The following VRK2 variants were observed in gnomAD, a reference collection of about 807,000 sequenced individuals.
VRK2 encodes the protein serine/threonine-protein kinase VRK2.
VRK2 carries 60 observed loss-of-function variants against 57.6 expected under a neutral mutation model. The observed-to-expected ratio is 1.04, with a 90% confidence interval of 0.85 to 1.29. The LOEUF (loss-of-function observed/expected upper bound fraction) is 1.29. Ranked by LOEUF, VRK2 falls within the 50% of genes most tolerant of loss-of-function variation. The probability of loss-of-function intolerance (pLI) is 0.00; values close to 1 mark genes in which losing one functional copy is unlikely to be tolerated. For synonymous variants in VRK2, 231 were observed against 199.2 expected, an observed-to-expected ratio of 1.16 and a Z score of -1.35; for missense variants, 705 against 588.1, an observed-to-expected ratio of 1.20 and a Z score of -2.06.
chr2:57,938,742 C>T (rs1275180357), intron 1 of VRK2, among the ~76,000 whole-genome samples: 1 of 152,030 alleles, frequency 6.6e-6, no homozygotes, highest in Non-Finnish European at 1.5e-5. Context: ...CAAAATATAT[C>T]TAGTCAATGG....
intron 7 of VRK2, among the ~76,000 whole-genome samples, chr2:58,092,978 A>G (rs2104265942): frequency 6.6e-6 from 1 of 152,224 alleles, no homozygotes; most frequent in East Asian, 1.9e-4. Flanking sequence ...CCATGTCCCT[A>G]CAAAGGACAT....
intron 8 of VRK2, among the ~76,000 whole-genome samples, chr2:58,130,491 G>A (rs1177394075): frequency 2.6e-5 from 4 of 152,228 alleles, no homozygotes; most frequent in Non-Finnish European, 4.4e-5. Context: ...CATTCTGCTA[G>A]ATTGAAGGGC....
intron 12 of VRK2, chr2:58,147,059 C>T: frequency 2.2e-6 from 1 of 457,360 alleles, no homozygotes; most frequent in African/African-American, 2.0e-5. Context: ...ATGATTTATA[C>T]ACCATCATTT....
intron 2 of VRK2, among the ~76,000 whole-genome samples, chr2:58,081,140 C>T (rs1002037785): frequency 2.0e-5 from 3 of 151,930 alleles, no homozygotes; most frequent in Non-Finnish European, 4.4e-5. Flanking sequence ...TGGTTAATTA[C>T]CTTTTCTACA....
intron 7 of VRK2, among the ~76,000 whole-genome samples, chr2:58,117,668 A>T (rs1212168361): frequency 6.6e-6 from 1 of 152,132 alleles, no homozygotes; most frequent in Non-Finnish European, 1.5e-5. Context: ...GACAAGAATT[A>T]TTTAGATCTT....
rs780923187 is a variant in VRK2, at chr2:58,131,934, A to G, written c.797+6A>G. On this transcript the variant is annotated splice_donor_region_variant and intron_variant, in intron 9 of 12. Coordinates refer to ENST00000340157, the MANE Select transcript of VRK2 (RefSeq NM_006296.7). ...GTGCAGACTGCTAAAACAAAGTACA[A>G]ATTTTCAAGTATTTCATCATGTACT... 9.3e-6 allele frequency: 15 copies of G among 1,614,022 alleles called. No individual in the cohort carries two copies. Among genetic ancestry groups the G allele is most frequent in the African/African-American group, 1.3e-5 (1 of 75,026 alleles).
chr2:57,956,477 A>C (rs1005251585), intron 1 of VRK2, among the ~76,000 whole-genome samples: 4 of 152,208 alleles, frequency 2.6e-5, no homozygotes, highest in African/African-American at 9.6e-5. Context: ...GTGAAGCAGT[A>C]AACATTTAGA....
At chr2:57,936,304 C>G (rs926509118) in intron 1 of VRK2, among the ~76,000 whole-genome samples, 3 of 152,152 alleles carry the variant, frequency 2.0e-5, no homozygotes, top group Non-Finnish European at 2.9e-5. Context: ...CATAATTTCT[C>G]TTGAACCTTA....
At chr2:58,149,912 A>G (rs1682733140) in intron 12 of VRK2, among the ~76,000 whole-genome samples, 1 of 151,058 alleles carries the variant, frequency 6.6e-6, no homozygotes, top group Non-Finnish European at 1.5e-5. Flanking sequence ...ATTCCAACTC[A>G]ATTCCTGCTG....
intron 1 of VRK2, among the ~76,000 whole-genome samples, chr2:57,911,516 A>G (rs2678901): frequency 0.65 from 98,428 of 152,072 alleles, 32,184 homozygotes; most frequent in African/African-American, 0.76. Flanking sequence ...GCCCCACAAA[A>G]GGAATCTACT....
At chr2:57,996,711 TTATTA>T (rs1237607954) in intron 1 of VRK2, among the ~76,000 whole-genome samples, 1 of 152,116 alleles carries the variant, frequency 6.6e-6, no homozygotes, top group African/African-American at 2.4e-5. Flanking sequence ...ATACTATTTT[TTATTA>T]TATTTTTTCC....
intron 1 of VRK2, among the ~76,000 whole-genome samples, chr2:57,916,489 G>A (rs1052835596): frequency 6.6e-6 from 1 of 151,260 alleles, no homozygotes; most frequent in Non-Finnish European, 1.5e-5. Flanking sequence ...TTAACTTCAG[G>A]TTAGCCTATA....
At chr2:58,071,624 T>C (rs1669371283) in intron 2 of VRK2, among the ~76,000 whole-genome samples, 1 of 152,056 alleles carries the variant, frequency 6.6e-6, no homozygotes, top group African/African-American at 2.4e-5. Flanking sequence ...TCGGGTCTAT[T>C]TCTAGGCTAT....
chr2:58,113,857 G>GA (rs1675985085), intron 7 of VRK2, among the ~76,000 whole-genome samples: 1 of 152,142 alleles, frequency 6.6e-6, no homozygotes, highest in African/African-American at 2.4e-5. Flanking sequence ...TCAGAGGCCT[G>GA]ACATTCCTGC....
intron 2 of VRK2, among the ~76,000 whole-genome samples, chr2:58,064,276 C>T (rs1318305297): frequency 6.6e-6 from 1 of 152,000 alleles, no homozygotes; most frequent in Non-Finnish European, 1.5e-5. Flanking sequence ...ACATTGTGGG[C>T]TACAGAGAAA....
At chr2:57,942,872 C>G (rs186290451) in intron 1 of VRK2, among the ~76,000 whole-genome samples, 1 of 152,158 alleles carries the variant, frequency 6.6e-6, no homozygotes, top group African/African-American at 2.4e-5. Context: ...GCATATATCT[C>G]TTGTAGATCC....
intron 5 of VRK2, among the ~76,000 whole-genome samples, chr2:58,088,044 G>C (rs1386491308): frequency 6.6e-6 from 1 of 152,116 alleles, no homozygotes; most frequent in Non-Finnish European, 1.5e-5. Flanking sequence ...AGAAAGTCAT[G>C]GAGTCAAAAT....
intron 1 of VRK2, among the ~76,000 whole-genome samples, chr2:57,966,483 C>T (rs979863060): frequency 5.3e-5 from 8 of 152,126 alleles, no homozygotes; most frequent in Non-Finnish European, 1.5e-5. Flanking sequence ...GTTTGGTTCA[C>T]TTAGCATATG....
At chr2:57,913,475 T>A (rs1186721529) in intron 1 of VRK2, among the ~76,000 whole-genome samples, 1 of 152,174 alleles carries the variant, frequency 6.6e-6, no homozygotes, top group Non-Finnish European at 1.5e-5. Flanking sequence ...ATCTCCTTTT[T>A]CTGTTTTCAG....
Sources: gnomAD v4.1 joint callset for allele counts (sites outside exome capture counted in the v4.1 genomes callset) on GRCh38, gnomAD v4.1.1 for gene constraint, MANE v1.5 for transcripts, NCBI Gene and HGNC (gene_info 2026-07-23, HGNC 2026-07-21) for gene names.